The following SLCO1A2 variants were observed in gnomAD, a reference collection of about 807,000 sequenced individuals.
SLCO1A2 encodes the protein solute carrier organic anion transporter family member 1A2.
Under a neutral mutation model 69.0 loss-of-function variants are expected in SLCO1A2, and 67 were observed. The observed-to-expected ratio is 0.97, with a 90% CI of 0.80 to 1.19. SLCO1A2 has a LOEUF of 1.19. SLCO1A2 is among the 50% of genes most tolerant of loss of function. The pLI, the probability that SLCO1A2 is intolerant of heterozygous loss-of-function variation, is 0.00. For missense variants in SLCO1A2, 787 were observed against 793.7 expected (o/e 0.99, Z 0.10); for synonymous variants, 260 against 265.9 (o/e 0.98, Z 0.22).
At chr12:21,401,067 A>T (rs1227657404) in intron 1 of SLCO1A2, among the ~76,000 whole-genome samples, 1 of 152,040 alleles carries the variant, frequency 6.6e-6, no homozygotes, top group Non-Finnish European at 1.5e-5. Flanking sequence ...GAACAAATAA[A>T]GGTTCCCAGC....
chr12:21,355,846 A>T (rs1938323407), intron 2 of SLCO1A2, among the ~76,000 whole-genome samples: 1 of 152,204 alleles, frequency 6.6e-6, no homozygotes, highest in Non-Finnish European at 1.5e-5. Context: ...TGGTTAAAAG[A>T]TTTTAAAACT....
At chr12:21,340,281 T>C (rs1953025268) in intron 2 of SLCO1A2, among the ~76,000 whole-genome samples, 1 of 151,972 alleles carries the variant, frequency 6.6e-6, no homozygotes. Flanking sequence ...CATAGCAAAA[T>C]ATATACAGTT....
intron 3 of SLCO1A2, among the ~76,000 whole-genome samples, chr12:21,316,897 G>C (rs906264199): frequency 3.9e-5 from 6 of 152,128 alleles, no homozygotes; most frequent in African/African-American, 1.4e-4. Context: ...AGAAGTTACA[G>C]ATATGTTCAG....
intron 2 of SLCO1A2, among the ~76,000 whole-genome samples, chr12:21,353,252 A>G (rs540947632): frequency 3.2e-4 from 48 of 152,300 alleles, no homozygotes; most frequent in African/African-American, 1.1e-3. Flanking sequence ...ATCAAATTGC[A>G]ATACAATTCA....
chr12:21,319,348 C>A, intron 2 of SLCO1A2: 1 of 1,368,096 alleles, frequency 7.3e-7, no homozygotes, highest in South Asian at 1.1e-5. Flanking sequence ...GTTCTCTCTG[C>A]AGGACAATAG....
At chr12:21,413,128 A>ATAT (rs976446833) in intron 1 of SLCO1A2, among the ~76,000 whole-genome samples, 3 of 150,418 alleles carry the variant, frequency 2.0e-5, no homozygotes, top group Non-Finnish European at 4.4e-5. Context: ...ATATGTGCAC[A>ATAT]TATTCCTTTC....
chr12:21,300,559 G>A lies in SLCO1A2; in HGVS notation c.699C>T (p.Ile233=), dbSNP rs201550748. 2 of 1,608,148 alleles carry A rather than the reference G, an allele frequency of 1.2e-6. No individual in the cohort carries two copies. Among genetic ancestry groups the A allele is most frequent in the Non-Finnish European group, 1.7e-6 (2 of 1,176,928 alleles). ...DTGFVNTDDL[I]ITPTDTRWVG... ...CCCAACGAGTGTCAGTGGGAGTTAT[G>A]ATCAGATCATCTGTAAAAAAATACA... The change falls in exon 8 of 15, where the codon ATC becomes ATT. Residue 233 remains isoleucine, a synonymous_variant. Transcript: ENST00000683939.
At chr12:21,383,332 C>T (rs573521429) in intron 1 of SLCO1A2, among the ~76,000 whole-genome samples, 6 of 152,216 alleles carry the variant, frequency 3.9e-5, no homozygotes, top group African/African-American at 1.4e-4. Flanking sequence ...AAAACCTTTG[C>T]CGACTAAGTA....
intron 2 of SLCO1A2, among the ~76,000 whole-genome samples, chr12:21,353,679 A>G (rs1392433614): frequency 2.0e-5 from 3 of 152,138 alleles, no homozygotes; most frequent in African/African-American, 7.2e-5. Context: ...TGCTGTCAGC[A>G]TGAAAGGGAC....
upstream of SLCO1A2, among the ~76,000 whole-genome samples, chr12:21,400,321 A>T (rs1280025296): frequency 6.6e-6 from 1 of 152,150 alleles, no homozygotes; most frequent in Non-Finnish European, 1.5e-5. Flanking sequence ...TCAAAACCAC[A>T]ATGAGATACC....
intron 14 of SLCO1A2, among the ~76,000 whole-genome samples, chr12:21,271,791 A>G (rs1038892400): frequency 6.1e-5 from 9 of 148,178 alleles, no homozygotes; most frequent in African/African-American, 1.7e-4. Context: ...TTATATACAT[A>G]TGTAAATAAA....
At chr12:21,367,418 G>A (rs2045938) in intron 2 of SLCO1A2, among the ~76,000 whole-genome samples, 49,045 of 151,918 alleles carry the variant, frequency 0.32, 8,219 homozygotes, top group East Asian at 0.46. Context: ...CTAGAAAGCA[G>A]TCAGTTTGGA....
At chr12:21,346,972 C>T (rs1337509008) in intron 2 of SLCO1A2, among the ~76,000 whole-genome samples, 2 of 148,454 alleles carry the variant, frequency 1.3e-5, no homozygotes, top group African/African-American at 4.9e-5. Context: ...TTTCAAACAT[C>T]CAAAAAAAAA....
At chr12:21,275,160 G>A (rs1943565555) in intron 13 of SLCO1A2, 200 bp downstream of exon 13, 1 of 753,748 alleles carries the variant, frequency 1.3e-6, no homozygotes, top group Non-Finnish European at 1.8e-6. Context: ...TGGGGTGGGG[G>A]AAGGGGGGAG....
intron 6 of SLCO1A2, among the ~76,000 whole-genome samples, chr12:21,304,053 T>C (rs1247497562): frequency 6.6e-6 from 1 of 152,152 alleles, no homozygotes; most frequent in Non-Finnish European, 1.5e-5. Flanking sequence ...GACAAAGTAA[T>C]GAGAACCTCA....
In SLCO1A2 at chr12:21,265,870, C is replaced by T. The variant is rs1942016737; in HGVS notation, c.*3678G>A. 6.6e-6 allele frequency: 1 copy of T among 152,112 alleles called. No homozygotes were observed. Among genetic ancestry groups the T allele is most frequent in the African/African-American group, 2.4e-5 (1 of 41,424 alleles). 9.4% of individuals were successfully genotyped at this position (152,112 alleles called of 1,614,324 possible). Reference sequence around the variant, plus strand: ...CCAGGCCCAGTAAATAAGAACCATTCTGTCAATTTCTATATTTTCTTATAT... The same window carrying T: ...CCAGGCCCAGTAAATAAGAACCATTTTGTCAATTTCTATATTTTCTTATAT... On this transcript the variant is annotated 3_prime_UTR_variant, in exon 15 of 15. Coordinates refer to ENST00000683939, the MANE Select transcript of SLCO1A2 (RefSeq NM_001386879.1).
intron 2 of SLCO1A2, among the ~76,000 whole-genome samples, chr12:21,347,669 A>AAGGAAGGAAGGAAGGAAGG (rs1555122068): frequency 0.016 from 1,830 of 113,440 alleles, 32 homozygotes; most frequent in Middle Eastern, 0.033. Context: ...AGAAAGAAAG[A>AAGGAAGGAAGGAAGGAAGG]AAGGAAGGAA....
At chr12:21,396,214 A>G (rs1941451893), upstream of SLCO1A2, among the ~76,000 whole-genome samples, 1 of 150,698 alleles carries the variant, frequency 6.6e-6, no homozygotes, top group African/African-American at 2.4e-5. Context: ...CTCGAGAACT[A>G]CGTGAAGAAT....
intron 2 of SLCO1A2, among the ~76,000 whole-genome samples, chr12:21,357,239 G>C (rs893368375): frequency 2.0e-5 from 3 of 152,086 alleles, no homozygotes; most frequent in East Asian, 1.9e-4. Flanking sequence ...GATACTTTGA[G>C]ACCCTAGTAT....
Sources: allele counts gnomAD v4.1 joint callset (sites outside exome capture counted in the v4.1 genomes callset), GRCh38; gene constraint gnomAD v4.1.1; transcripts MANE v1.5; gene names NCBI Gene and HGNC (gene_info 2026-07-23, HGNC 2026-07-21).